The following RIMS2 variants were observed in gnomAD, a reference collection of about 807,000 sequenced individuals.
RIMS2 encodes regulating synaptic membrane exocytosis protein 2.
A neutral mutation model predicts 174.4 loss-of-function variants in RIMS2; 59 were observed. The ratio of observed to expected loss-of-function variants is 0.34; its 90% CI spans 0.27 to 0.42. The LOEUF is 0.42. Among genes scored for constraint, RIMS2 ranks in the 10% least tolerant of loss-of-function variants. The pLI, the probability that RIMS2 is intolerant of heterozygous loss-of-function variation, is 1.00. For synonymous variants in RIMS2, 606 were observed against 572.5 expected (o/e 1.06, Z -0.84); for missense variants, 1,620 against 1,666.3 (o/e 0.97, Z 0.48).
intron 2 of RIMS2, among the ~76,000 whole-genome samples, chr8:103,757,277 C>T (rs1242737781): frequency 6.6e-6 from 1 of 152,024 alleles, no homozygotes; most frequent in East Asian, 1.9e-4. Flanking sequence ...TTCACACAAA[C>T]GAATCTTGCA....
chr8:103,711,325 A>C (rs541318100), intron 2 of RIMS2, among the ~76,000 whole-genome samples: 12 of 152,222 alleles, frequency 7.9e-5, no homozygotes, highest in African/African-American at 2.7e-4. Flanking sequence ...TAAGAAATAT[A>C]GAAGAGGGCA....
chr8:104,114,066 T>C (rs2098240882), intron 19 of RIMS2, among the ~76,000 whole-genome samples: 1 of 152,036 alleles, frequency 6.6e-6, no homozygotes, highest in Non-Finnish European at 1.5e-5. Flanking sequence ...CCTGAATTTG[T>C]CTCTGACAAA....
chr8:103,955,569 C>A (rs1278773135), intron 14 of RIMS2, among the ~76,000 whole-genome samples: 2 of 152,164 alleles, frequency 1.3e-5, no homozygotes, highest in Admixed American at 1.3e-4. Flanking sequence ...GCTAAAAAGT[C>A]TCAATAAACT....
intron 2 of RIMS2, among the ~76,000 whole-genome samples, chr8:103,755,261 C>G (rs951890133): frequency 1.3e-5 from 2 of 152,196 alleles, no homozygotes; most frequent in African/African-American, 4.8e-5. Context: ...TTGGCCCCCA[C>G]TCCGTTTTGG....
intron 1 of RIMS2, among the ~76,000 whole-genome samples, chr8:103,599,967 C>T (rs1309032967): frequency 6.6e-6 from 1 of 152,058 alleles, no homozygotes; most frequent in African/African-American, 2.4e-5. Context: ...CCCTGTTGTG[C>T]TATCAAATAT....
At chr8:103,734,929 A>T (rs115496015) in intron 2 of RIMS2, among the ~76,000 whole-genome samples, 56,832 of 151,606 alleles carry the variant, frequency 0.37, 10,951 homozygotes, top group African/African-American at 0.4. Flanking sequence ...ACCGAAGGGC[A>T]CAGGTTTTCT....
chr8:104,141,413 A>C (rs1187462822), intron 19 of RIMS2, among the ~76,000 whole-genome samples: 2 of 152,168 alleles, frequency 1.3e-5, no homozygotes, highest in East Asian at 3.9e-4. Context: ...GTTTCCTTAA[A>C]GATTTAGCCT....
chr8:104,075,305 CAG>C (rs1226213865), intron 19 of RIMS2, among the ~76,000 whole-genome samples: 1 of 152,148 alleles, frequency 6.6e-6, no homozygotes, highest in African/African-American at 2.4e-5. Context: ...AACGCAGTCT[CAG>C]GGAGTACAAT....
intron 1 of RIMS2, among the ~76,000 whole-genome samples, chr8:103,548,020 A>T (rs1320906208): frequency 2.6e-5 from 4 of 152,054 alleles, no homozygotes; most frequent in African/African-American, 9.7e-5. Context: ...TAGTAATAAA[A>T]ACCCTATCAA....
intron 19 of RIMS2, among the ~76,000 whole-genome samples, chr8:104,175,229 A>G (rs867194233): frequency 3.9e-5 from 6 of 152,044 alleles, no homozygotes; most frequent in Middle Eastern, 3.2e-3. Flanking sequence ...TTTCAGAAAT[A>G]TCTGTCATTT....
chr8:103,694,764 C>T (rs1372629110), intron 1 of RIMS2, among the ~76,000 whole-genome samples: 1 of 152,176 alleles, frequency 6.6e-6, no homozygotes, highest in Non-Finnish European at 1.5e-5. Flanking sequence ...GATTGAACTG[C>T]AGGGCCTGGC....
chr8:104,206,935 C>G (rs1415464778), intron 19 of RIMS2, among the ~76,000 whole-genome samples: 1 of 152,166 alleles, frequency 6.6e-6, no homozygotes, highest in Non-Finnish European at 1.5e-5. Flanking sequence ...GCTATTGAAG[C>G]TGGAAGGGAG....
chr8:103,712,741 G>A (rs937822911), intron 2 of RIMS2, among the ~76,000 whole-genome samples: 2 of 152,164 alleles, frequency 1.3e-5, no homozygotes, highest in South Asian at 2.1e-4. Flanking sequence ...GAAATGGAAA[G>A]CAGGCAAGAC....
intron 1 of RIMS2, among the ~76,000 whole-genome samples, chr8:103,612,000 T>C (rs1055364521): frequency 6.6e-6 from 1 of 152,176 alleles, no homozygotes; most frequent in African/African-American, 2.4e-5. Context: ...TCTGAGCATG[T>C]ATTTTCAAAT....
At chr8:103,935,733 C>G (rs2081086916) in intron 12 of RIMS2, among the ~76,000 whole-genome samples, 1 of 152,116 alleles carries the variant, frequency 6.6e-6, no homozygotes, top group South Asian at 2.1e-4. Flanking sequence ...TGGATGTACC[C>G]TAGGTGATAT....
At chr8:103,771,234 T>C (rs2098249876) in intron 3 of RIMS2, among the ~76,000 whole-genome samples, 1 of 152,204 alleles carries the variant, frequency 6.6e-6, no homozygotes, top group South Asian at 2.1e-4. Context: ...TGCAAAATAC[T>C]TTTGAGTTTC....
chr8:103,672,231 C>T (rs1311294422), intron 1 of RIMS2, among the ~76,000 whole-genome samples: 2 of 151,538 alleles, frequency 1.3e-5, no homozygotes, highest in African/African-American at 4.8e-5. Flanking sequence ...ACAGTTTACT[C>T]AAATGTTGAA....
intron 15 of RIMS2, among the ~76,000 whole-genome samples, chr8:103,963,330 T>C (rs1394750855): frequency 6.6e-6 from 1 of 152,144 alleles, no homozygotes; most frequent in Non-Finnish European, 1.5e-5. Context: ...CTATTGATAG[T>C]TTGTTGCTTA....
At chr8:103,571,408 T>A (rs2092796330) in intron 1 of RIMS2, among the ~76,000 whole-genome samples, 1 of 152,210 alleles carries the variant, frequency 6.6e-6, no homozygotes, top group African/African-American at 2.4e-5. Flanking sequence ...TGTAATAGGA[T>A]GTTAATGGAG....
Sources: gnomAD v4.1 joint callset for allele counts (sites outside exome capture counted in the v4.1 genomes callset) on GRCh38, gnomAD v4.1.1 for gene constraint, MANE v1.5 for transcripts, NCBI Gene and HGNC (gene_info 2026-07-23, HGNC 2026-07-21) for gene names.